NLRC3: variants seen among roughly 807,000 people sequenced by gnomAD.
NLRC3 encodes NLR family CARD domain-containing protein 3.
Under a neutral mutation model 91.6 loss-of-function variants are expected in NLRC3, and 87 were observed. That is an observed-to-expected ratio of 0.95 (90% CI 0.80 to 1.14). NLRC3 has a LOEUF of 1.14. Among genes scored for constraint, NLRC3 ranks in the 50% most tolerant of loss-of-function variants. NLRC3 has a pLI of 0.00. For missense variants in NLRC3, 1,577 were observed against 1,418.6 expected (o/e 1.11, Z -1.79); for synonymous variants, 694 against 625.3 (o/e 1.11, Z -1.64).
chr16:3,549,237 G>T lies in NLRC3; in HGVS notation c.2520-12C>A, dbSNP rs2038867408. The T allele has an allele frequency of 3.2e-6, 5 of 1,557,762 alleles. No individual in the cohort carries two copies. The East Asian group carries it at 9.4e-5, about 29-fold the overall frequency. ...AGTTTTCTCGAAGGCTGAAAAAAAAGGAAAGACCTGAGCTTCTGACCGGGC... is the reference window on the plus strand; with the variant it reads ...AGTTTTCTCGAAGGCTGAAAAAAAATGAAAGACCTGAGCTTCTGACCGGGC... On this transcript the variant is annotated splice_polypyrimidine_tract_variant and intron_variant, in intron 12 of 19. Coordinates refer to ENST00000359128, the MANE Select transcript of NLRC3 (RefSeq NM_178844.4).
intron 15 of NLRC3, chr16:3,545,031 T>A (rs1239817418): frequency 6.6e-6 from 1 of 152,328 alleles, no homozygotes. Context: ...TTTGTGTCAT[T>A]TTTTCCCCTT....
At chr16:3,570,414 G>C (rs537488827) in intron 1 of NLRC3, among the ~76,000 whole-genome samples, 1 of 152,224 alleles carries the variant, frequency 6.6e-6, no homozygotes, top group Non-Finnish European at 1.5e-5. Flanking sequence ...AGGCCCTGGG[G>C]ATGTGAAGGT....
rs2038305465 is a variant in NLRC3, at chr16:3,539,242, AC to A, written c.*2582del. ...ACTACATAAATATCATAGCTGTTAGACCCAGGGGACTCTCAGGTGCCAGAAT... is the reference window on the plus strand; with the variant it reads ...ACTACATAAATATCATAGCTGTTAGACCAGGGGACTCTCAGGTGCCAGAAT... On this transcript the variant is annotated 3_prime_UTR_variant, in exon 20 of 20. Coordinates refer to ENST00000359128, the MANE Select transcript of NLRC3 (RefSeq NM_178844.4). 6.6e-6 allele frequency: 1 copy of A among 152,176 alleles called. No homozygotes were observed. Among genetic ancestry groups the A allele is most frequent in the African/African-American group, 2.4e-5 (1 of 41,434 alleles). 9.4% of individuals were successfully genotyped at this position (152,176 alleles called of 1,614,324 possible). A position where few individuals can be genotyped will look rare whatever the true frequency, so the allele number is the denominator to read the frequency against.
chr16:3,569,323 A>AG (rs1216767753), intron 1 of NLRC3, among the ~76,000 whole-genome samples: 1 of 148,342 alleles, frequency 6.7e-6, no homozygotes, highest in Admixed American at 6.7e-5. Flanking sequence ...CAAAAAAAAA[A>AG]AAAAATTCTT....
Position 3,564,315 on chromosome 16 carries a change from C to G in NLRC3, c.622G>C (p.Val208Leu). 5 of 1,611,550 alleles carry G rather than the reference C, an allele frequency of 3.1e-6. No individual in the cohort carries two copies. Among genetic ancestry groups the G allele is most frequent in the Non-Finnish European group, 4.2e-6 (5 of 1,179,556 alleles). ...FPHVGEPSLA[V>L]AVPARALLIL... ...AGGAGGGCCCTGGCTGGGACTGCCACCGCCAGGCTGGGCTCCCCGACGTGC... is the reference window on the plus strand; with the variant it reads ...AGGAGGGCCCTGGCTGGGACTGCCAGCGCCAGGCTGGGCTCCCCGACGTGC... Residue 208 changes from valine (V) to leucine (L), a missense_variant, in exon 5 of 20, where the codon GTG becomes CTG. Physicochemically the swap from Val to Leu is conservative, Grantham distance 32. Transcript: ENST00000359128. This position sits in a 1 kb window ranked among gnomAD's most constrained non-coding sequence, Gnocchi z 5.9.
Position 3,563,060 on chromosome 16 carries a change from T to C in NLRC3, c.1877A>G (p.Gln626Arg). 6.4e-7 allele frequency: 1 copy of C among 1,562,996 alleles called. No homozygotes were observed. Among genetic ancestry groups the C allele is most frequent in the Non-Finnish European group, 8.7e-7 (1 of 1,154,158 alleles). Reference protein sequence around the residue: ...QEANLSLSLSQGVLQSLLPQL... With the variant: ...QEANLSLSLSRGVLQSLLPQL... Reference sequence around the variant, plus strand: ...GGGCAGCAGGCTCTGAAGGACGCCCTGGCTGAGGCTCAGGGACAGGTTGGC... The same window carrying C: ...GGGCAGCAGGCTCTGAAGGACGCCCCGGCTGAGGCTCAGGGACAGGTTGGC... Residue 626 changes from glutamine to arginine, a missense_variant, in exon 5 of 20, where the codon CAG (glutamine) becomes CGG (arginine). Coordinates refer to ENST00000359128, the MANE Select transcript of NLRC3 (RefSeq NM_178844.4).
intron 13 of NLRC3, 100 bp from the exon 14 acceptor site, chr16:3,548,853 G>T: frequency 1.2e-6 from 1 of 820,842 alleles, no homozygotes; most frequent in Non-Finnish European, 2.0e-6. Context: ...AGATCACCCA[G>T]CCAGCACGAG....
rs1484723324 is a variant in NLRC3, at chr16:3,541,464, A to G, written c.*361T>C. 1.0e-5 allele frequency: 2 copies of G among 192,024 alleles called. No homozygotes were observed. The highest frequency in any genetic ancestry group is 5.6e-5 in the Admixed American group (1 of 17,910). The allele number at this position is 192,024 out of a possible 1,614,324, so 11.9% of individuals were successfully genotyped here. On this transcript the variant is annotated 3_prime_UTR_variant, in exon 20 of 20. Transcript: ENST00000359128. ...ATGATTTTTAACCAGGTGAGTGGAA[A>G]GGGGCAGTAATAAACATTTTTAAAG... is the stretch of plus-strand genomic sequence containing the variant.
intron 10 of NLRC3, 46 bp from the exon 11 acceptor site, chr16:3,550,543 G>C: frequency 2.9e-6 from 4 of 1,376,138 alleles, no homozygotes; most frequent in Non-Finnish European, 4.2e-6. Flanking sequence ...GGAGCTGCCA[G>C]GCAGGGCTGG....
intron 9 of NLRC3, among the ~76,000 whole-genome samples, chr16:3,553,668 C>T (rs953601618): frequency 6.6e-6 from 1 of 151,376 alleles, no homozygotes. Context: ...GTATTCTTTC[C>T]TACATCTGTG....
In NLRC3 at chr16:3,571,894, G is replaced by A. The variant is rs1025370001; in HGVS notation, c.-168-4570C>T. ...GGCAGAGGTTGCAGTGAGCCAAGAT[G>A]GCGCCACTGCACTCCAGCCTGGGTG... is the stretch of plus-strand genomic sequence containing the variant. On this transcript the variant is annotated intron_variant, in intron 1 of 19. Transcript: ENST00000359128. Among the ~76,000 whole-genome samples, 9 of 150,694 alleles carry A rather than the reference G, an allele frequency of 6.0e-5. No individual in the cohort carries two copies. The East Asian group carries it at 1.8e-3, about 30-fold the overall frequency.
chr16:3,554,218 G>A lies in NLRC3; in HGVS notation c.2267+24C>T, dbSNP rs73503397. 567 of 1,551,540 alleles carry A rather than the reference G, an allele frequency of 3.7e-4. No homozygotes were observed. In the African/African-American group the frequency reaches 6.8e-3, roughly 19 times the overall value. On this transcript the variant is annotated intron_variant, in intron 9 of 19. Transcript: ENST00000359128. Reference sequence around the variant, plus strand: ...GAGGAGGGAGAAGGGAGAGAAGGGGGAGAGAGGAGATGTGTTCACTCACTG... The same window carrying A: ...GAGGAGGGAGAAGGGAGAGAAGGGGAAGAGAGGAGATGTGTTCACTCACTG...
chr16:3,553,805 GATCTC>G (rs1465989419), intron 9 of NLRC3, among the ~76,000 whole-genome samples: 1 of 150,240 alleles, frequency 6.7e-6, no homozygotes, highest in Non-Finnish European at 1.5e-5. Context: ...GCAATGGCAC[GATCTC>G]AGCTCACTGC....
rs1262094111 is a variant in NLRC3, at chr16:3,541,010, G to C, written c.*815C>G. 1 of 152,196 alleles carries C rather than the reference G, an allele frequency of 6.6e-6. No individual in the cohort carries two copies. Among genetic ancestry groups the C allele is most frequent in the Non-Finnish European group, 1.5e-5 (1 of 68,090 alleles). 9.4% of individuals were successfully genotyped at this position (152,196 alleles called of 1,614,324 possible). On this transcript the variant is annotated 3_prime_UTR_variant, in exon 20 of 20. Coordinates refer to ENST00000359128, the MANE Select transcript of NLRC3 (RefSeq NM_178844.4). ...ACCTGAGGTCAGGAGTTCGAGACCA[G>C]CCTGGCCAACATGATGAAACCCCGT...
At chr16:3,542,572 T>A in intron 18 of NLRC3, 120 bp downstream of exon 18, 1 of 666,240 alleles carries the variant, frequency 1.5e-6, no homozygotes, top group South Asian at 1.8e-5. Flanking sequence ...ATAAGTCTGA[T>A]TGTTTATATT....
chr16:3,576,622 C>A, intron 1 of NLRC3, among the ~76,000 whole-genome samples: 1 of 152,162 alleles, frequency 6.6e-6, no homozygotes, highest in African/African-American at 2.4e-5. Flanking sequence ...GGGACCTGTC[C>A]TGGGCCATTC....
chr16:3,549,671 G>A (rs768550479), intron 12 of NLRC3, 26 bp downstream of exon 12: 2 of 1,524,784 alleles, frequency 1.3e-6, no homozygotes, highest in Non-Finnish European at 1.8e-6. Context: ...GAAACGCCCT[G>A]TTTGGAGAGG....
intron 1 of NLRC3, among the ~76,000 whole-genome samples, chr16:3,571,738 A>T (rs2040105500): frequency 6.6e-6 from 1 of 151,708 alleles, no homozygotes; most frequent in African/African-American, 2.4e-5. Flanking sequence ...TCAAGAGATC[A>T]AGACCAGCCT....
Position 3,544,664 on chromosome 16 carries a change from C to T in NLRC3, c.2772-335G>A, listed in dbSNP as rs148261676. 7 of 281,570 alleles carry T rather than the reference C, an allele frequency of 2.5e-5. No homozygotes were observed. In the East Asian group the frequency reaches 5.6e-4, roughly 23 times the overall value. The allele number at this position is 281,570 out of a possible 1,614,324, so 17.4% of individuals were successfully genotyped here. A position where few individuals can be genotyped will look rare whatever the true frequency, so the allele number is the denominator to read the frequency against. Reference sequence around the variant, plus strand: ...AACTTAAAGCCCTCAATCCCTGAGCCATTCTTGTTTGTCTTGTTTTCTCTT... The same window carrying T: ...AACTTAAAGCCCTCAATCCCTGAGCTATTCTTGTTTGTCTTGTTTTCTCTT... On this transcript the variant is annotated intron_variant, in intron 15 of 19. Transcript: ENST00000359128.
Sources: gnomAD v4.1 joint callset for allele counts (sites outside exome capture counted in the v4.1 genomes callset) on GRCh38, gnomAD v4.1.1 for gene constraint, Gnocchi (gnomAD v3.1) non-coding constraint, MANE v1.5 for transcripts, NCBI Gene and HGNC (gene_info 2026-07-23, HGNC 2026-07-21) for gene names.